Variants in CARF observed in about 807,000 individuals in gnomAD.
CARF encodes the protein calcium-responsive transcription factor.
A neutral mutation model predicts 82.0 loss-of-function variants in CARF; 57 were observed. The ratio of observed to expected loss-of-function variants is 0.70; its 90% CI spans 0.56 to 0.87. The LOEUF (loss-of-function observed/expected upper bound fraction) is 0.87, where lower values mean the gene tolerates loss of function less well. CARF is among the 40% of genes least tolerant of loss of function. The pLI is 0.00. For synonymous variants in CARF, 268 were observed against 290.1 expected (o/e 0.92, Z 0.77); for missense variants, 771 against 855.8 (o/e 0.90, Z 1.24).
At chr2:202,967,874 G>A (rs931630143) in intron 10 of CARF, among the ~76,000 whole-genome samples, 6 of 152,076 alleles carry the variant, frequency 3.9e-5, no homozygotes, top group Non-Finnish European at 8.8e-5. Context: ...GATAGATTAG[G>A]ACTACAGAGT....
intron 9 of CARF, among the ~76,000 whole-genome samples, chr2:202,964,544 G>A (rs1212947901): frequency 6.6e-6 from 1 of 152,052 alleles, no homozygotes; most frequent in Non-Finnish European, 1.5e-5. Flanking sequence ...GCCTCCCAAA[G>A]TGCTGGTATT....
intron 2 of CARF, among the ~76,000 whole-genome samples, chr2:202,918,841 C>T (rs1472058208): frequency 2.6e-5 from 4 of 152,172 alleles, no homozygotes; most frequent in Non-Finnish European, 5.9e-5. Flanking sequence ...ACCAACTTTT[C>T]CGTATAGAAA....
intron 4 of CARF, 72 bp downstream of exon 4, chr2:202,942,052 C>G (rs902995403): frequency 8.6e-7 from 1 of 1,157,490 alleles, no homozygotes; most frequent in East Asian, 2.4e-5. Flanking sequence ...TCTTTATGCT[C>G]AAGGGATAGC....
intron 5 of CARF, among the ~76,000 whole-genome samples, chr2:202,949,515 A>ATTTATT (rs1553562037): frequency 5.4e-5 from 6 of 112,054 alleles, no homozygotes; most frequent in Non-Finnish European, 1.1e-4. Flanking sequence ...TTTGTTATTT[A>ATTTATT]TTTATTATTA....
At chr2:202,914,093 A>AC (rs1689152263) in intron 1 of CARF, among the ~76,000 whole-genome samples, 1 of 152,148 alleles carries the variant, frequency 6.6e-6, no homozygotes, top group Admixed American at 6.5e-5. Context: ...TCCAAACAGT[A>AC]CCTAGGATAG....
intron 11 of CARF, among the ~76,000 whole-genome samples, chr2:202,971,047 C>T (rs1006000387): frequency 2.0e-5 from 3 of 151,966 alleles, no homozygotes; most frequent in African/African-American, 7.3e-5. Flanking sequence ...GTAGGTGTAA[C>T]AGAGAAGTGT....
chr2:202,966,529 A>T (rs74421437), intron 9 of CARF, among the ~76,000 whole-genome samples: 13,585 of 152,158 alleles, frequency 0.089, 741 homozygotes, highest in Non-Finnish European at 0.12. Flanking sequence ...CTGGACAACA[A>T]GACAAAACTC....
intron 3 of CARF, among the ~76,000 whole-genome samples, chr2:202,936,878 CAA>C (rs1455991755): frequency 6.6e-6 from 1 of 152,194 alleles, no homozygotes; most frequent in Non-Finnish European, 1.5e-5. Flanking sequence ...TCACCAAATG[CAA>C]AGACATGAAG....
At position 202,983,823 on chromosome 2, in the gene CARF, G is replaced by T; in HGVS notation, c.*199G>T. ...AGAGATGTTTTACTCTTCTTATTTT[G>T]TATAATTTTTATGCTCTTTGATTAT... is the stretch of plus-strand genomic sequence containing the variant. On this transcript the variant is annotated 3_prime_UTR_variant, in exon 17 of 17. Transcript: ENST00000438828. 1 of 492,954 alleles carries T rather than the reference G, an allele frequency of 2.0e-6. No homozygotes were observed. The highest frequency in any genetic ancestry group is 2.9e-5 in the South Asian group (1 of 34,188). The allele number at this position is 492,954 out of a possible 1,614,324, so 30.5% of individuals were successfully genotyped here. A position where few individuals can be genotyped will look rare whatever the true frequency, so the allele number is the denominator to read the frequency against.
intron 1 of CARF, among the ~76,000 whole-genome samples, chr2:202,915,066 G>C (rs1166683535): frequency 6.6e-6 from 1 of 151,956 alleles, no homozygotes; most frequent in Non-Finnish European, 1.5e-5. Context: ...CGCGAGGCTG[G>C]AGTGCAGTGG....
At chr2:202,927,624 T>C (rs1692099881) in intron 3 of CARF, among the ~76,000 whole-genome samples, 1 of 152,116 alleles carries the variant, frequency 6.6e-6, no homozygotes, top group South Asian at 2.1e-4. Context: ...ATAAAACGTG[T>C]AATGATCAAA....
intron 5 of CARF, among the ~76,000 whole-genome samples, chr2:202,946,023 T>C (rs750129269): frequency 1.6e-4 from 24 of 152,228 alleles, no homozygotes; most frequent in Admixed American, 6.5e-4. Context: ...TGTGAGATAG[T>C]ATCTCATTGT....
Position 202,961,226 on chromosome 2 carries a change from A to G in CARF, c.643-11A>G, listed in dbSNP as rs2059307265. On this transcript the variant is annotated splice_polypyrimidine_tract_variant and intron_variant, in intron 8 of 16. Transcript: ENST00000438828. Reference sequence around the variant, plus strand: ...TTGCTAGTAATTTTGTTTAATTTCTACCACATGCAGAAAATTGGAGATTCA... The same window carrying G: ...TTGCTAGTAATTTTGTTTAATTTCTGCCACATGCAGAAAATTGGAGATTCA... 6.3e-7 allele frequency: 1 copy of G among 1,596,512 alleles called. No individual in the cohort carries two copies. Among genetic ancestry groups the G allele is most frequent in the African/African-American group, 1.3e-5 (1 of 74,254 alleles).
chr2:202,916,657 A>G (rs189366627), intron 1 of CARF, among the ~76,000 whole-genome samples: 1 of 152,308 alleles, frequency 6.6e-6, no homozygotes, highest in African/African-American at 2.4e-5. Context: ...TGGTTGTAAC[A>G]ATAATATTTT....
At chr2:202,980,662 A>ATATG (rs2060223733) in intron 14 of CARF, among the ~76,000 whole-genome samples, 1 of 115,066 alleles carries the variant, frequency 8.7e-6, no homozygotes, top group African/African-American at 3.5e-5. Flanking sequence ...ATATATATAT[A>ATATG]GTTGTGCCTC....
chr2:202,924,981 GC>G, intron 3 of CARF: 1 of 348,758 alleles, frequency 2.9e-6, no homozygotes, highest in Non-Finnish European at 5.6e-6. Flanking sequence ...TCCTGGAGCA[GC>G]AGAACAAGAT....
chr2:202,982,040 A>C, intron 15 of CARF, 32 bp from the exon 16 acceptor site: 1 of 1,595,714 alleles, frequency 6.3e-7, no homozygotes, highest in Admixed American at 1.9e-5. Flanking sequence ...AGGAAATTCA[A>C]ACATTTTGAT....
rs190302448 is a variant in CARF at position 202,950,312 on chromosome 2, T to C, written c.307-2247T>C. 4.2e-4 allele frequency among the ~76,000 whole-genome samples: 64 copies of C among 152,284 alleles called. 2 individuals carry two copies. The East Asian group carries it at 0.011, about 27-fold the overall frequency. Reference sequence around the variant, plus strand: ...CAGTCTTAATTATGAAACTTGTATATGATTGAATAACTTATAAAAACTTAT... The same window carrying C: ...CAGTCTTAATTATGAAACTTGTATACGATTGAATAACTTATAAAAACTTAT... On this transcript the variant is annotated intron_variant, in intron 5 of 16. Transcript: ENST00000438828.
At chr2:202,915,228 GA>G (rs1256929262) in intron 1 of CARF, among the ~76,000 whole-genome samples, 1 of 151,974 alleles carries the variant, frequency 6.6e-6, no homozygotes, top group Non-Finnish European at 1.5e-5. Flanking sequence ...TGTTGGCCGG[GA>G]TGGTCTCGAT....
Sources: allele counts gnomAD v4.1 joint callset (sites outside exome capture counted in the v4.1 genomes callset), GRCh38; gene constraint gnomAD v4.1.1; transcripts MANE v1.5; gene names NCBI Gene and HGNC (gene_info 2026-07-23, HGNC 2026-07-21).